KCNMA1: variants seen among roughly 807,000 people sequenced by gnomAD.
KCNMA1 encodes Calcium-activated potassium channel subunit alpha-1.
Under a neutral mutation model 140.0 loss-of-function variants are expected in KCNMA1, and 29 were observed. The observed-to-expected ratio is 0.21, with a 90% CI of 0.15 to 0.28. The LOEUF (loss-of-function observed/expected upper bound fraction) is 0.28. Ranked by LOEUF, KCNMA1 falls within the 10% of genes least tolerant of loss-of-function variation. The probability of loss-of-function intolerance (pLI) is 1.00; values close to 1 mark genes in which losing one functional copy is unlikely to be tolerated. For missense variants in KCNMA1, 880 were observed against 1,602.2 expected, an observed-to-expected ratio of 0.55 and a Z score of 7.70; for synonymous variants, 612 against 611.9, an observed-to-expected ratio of 1.00 and a Z score of 0.00.
At chr10:77,290,362 G>A (rs181124729) in intron 2 of KCNMA1, among the ~76,000 whole-genome samples, 10 of 152,296 alleles carry the variant, frequency 6.6e-5, no homozygotes, top group Admixed American at 2.6e-4. Context: ...AAAGGGCATG[G>A]AGGATGTCAT....
chr10:77,410,514 A>G lies in KCNMA1; in HGVS notation c.379-6491T>C, dbSNP rs533220186. ...TTCTTTGGACACTGGTTCCTCATCC[A>G]GGATCTGGGAAGTTGTTTAGGCAAA... On this transcript the variant is annotated intron_variant, in intron 1 of 27. Coordinates refer to ENST00000286628, the MANE Select transcript of KCNMA1 (RefSeq NM_001161352.2). Among the ~76,000 whole-genome samples the G allele has an allele frequency of 1.6e-3, 245 of 152,348 alleles. 1 individual carries two copies. Among genetic ancestry groups the G allele is most frequent in the African/African-American group, 5.5e-3 (229 of 41,586 alleles).
chr10:77,115,213 A>G (rs947966877), intron 6 of KCNMA1, among the ~76,000 whole-genome samples: 1 of 152,220 alleles, frequency 6.6e-6, no homozygotes, highest in African/African-American at 2.4e-5. Context: ...TGTGGGTGAG[A>G]CTGATATTTC....
chr10:76,889,381 G>A (rs1237354563), intron 27 of KCNMA1, 70 bp downstream of exon 27: 17 of 1,042,370 alleles, frequency 1.6e-5, no homozygotes, highest in South Asian at 3.8e-5. Context: ...TGCCTTTACA[G>A]TAGGGGACAG....
At chr10:76,876,043 A>G (rs1377731085), downstream of KCNMA1, 1 of 152,596 alleles carries the variant, frequency 6.6e-6, no homozygotes, top group Non-Finnish European at 1.5e-5. Context: ...AGGTGGAAGC[A>G]CGACTATATT....
intron 14 of KCNMA1, among the ~76,000 whole-genome samples, chr10:77,066,733 T>A (rs7081901): frequency 0.42 from 64,020 of 152,078 alleles, 15,163 homozygotes; most frequent in Non-Finnish European, 0.54. Flanking sequence ...TAATGCCATC[T>A]GTGGTTAGGG....
At position 76,886,888 on chromosome 10, in the gene KCNMA1, G is replaced by A. The variant is rs201315034; in HGVS notation, c.*378C>T. ...AAACCCAAAGCACCCTGATAATCCT[G>A]ATAAATCAGAATCAACTTTTCTTTT... On this transcript the variant is annotated 3_prime_UTR_variant, in exon 28 of 28. Transcript: ENST00000286628. 9 of 1,126,914 alleles carry A rather than the reference G, an allele frequency of 8.0e-6. No homozygotes were observed. The South Asian group carries it at 2.0e-4, about 25-fold the overall frequency. 69.8% of individuals were successfully genotyped at this position (1,126,914 alleles called of 1,614,324 possible).
intron 7 of KCNMA1, among the ~76,000 whole-genome samples, chr10:77,110,643 C>T (rs1308763224): frequency 1.3e-5 from 2 of 152,158 alleles, no homozygotes; most frequent in Non-Finnish European, 2.9e-5. Flanking sequence ...ATGTGGGAAG[C>T]CAGCTAAAAT....
At chr10:77,059,002 A>G (rs1167484036) in intron 14 of KCNMA1, among the ~76,000 whole-genome samples, 1 of 151,992 alleles carries the variant, frequency 6.6e-6, no homozygotes, top group Non-Finnish European at 1.5e-5. Flanking sequence ...GACACAAATA[A>G]CAAAATCAAG....
At chr10:77,077,350 A>G (rs1178327149) in intron 13 of KCNMA1, among the ~76,000 whole-genome samples, 1 of 152,226 alleles carries the variant, frequency 6.6e-6, no homozygotes, top group Non-Finnish European at 1.5e-5. Context: ...GGTTCTAAAC[A>G]AAATGTGTTT....
At chr10:76,936,199 T>C (rs532218543) in intron 23 of KCNMA1, among the ~76,000 whole-genome samples, 8 of 152,314 alleles carry the variant, frequency 5.3e-5, no homozygotes, top group Admixed American at 1.3e-4. Flanking sequence ...ACGGAAGAAA[T>C]GTAACAGGGC....
intron 23 of KCNMA1, among the ~76,000 whole-genome samples, chr10:76,927,221 C>A (rs1466375536): frequency 2.0e-5 from 3 of 152,168 alleles, no homozygotes; most frequent in African/African-American, 7.2e-5. Flanking sequence ...CAGTTTTATA[C>A]CTTTGCCCAG....
rs181648760 is a variant in KCNMA1 at position 76,897,336 on chromosome 10, C to T, written c.3148-5617G>A. 1.0e-3 allele frequency among the ~76,000 whole-genome samples: 155 copies of T among 150,342 alleles called. 1 individual carries two copies. The Middle Eastern group carries it at 0.02, about 20-fold the overall frequency. ...TGTGGCCAACTCCTAGACCTGTACTCGGTGAATATTTGAATTCAAAATATT... is the reference window on the plus strand; with the variant it reads ...TGTGGCCAACTCCTAGACCTGTACTTGGTGAATATTTGAATTCAAAATATT... On this transcript the variant is annotated intron_variant, in intron 25 of 27. Coordinates refer to ENST00000286628, the MANE Select transcript of KCNMA1 (RefSeq NM_001161352.2).
chr10:77,029,960 T>C (rs1313804990), intron 15 of KCNMA1, among the ~76,000 whole-genome samples: 1 of 152,176 alleles, frequency 6.6e-6, no homozygotes, highest in Non-Finnish European at 1.5e-5. Context: ...TGGGGGATTT[T>C]AGTTGGTTTA....
intron 2 of KCNMA1, among the ~76,000 whole-genome samples, chr10:77,282,888 A>G (rs2069189442): frequency 6.6e-6 from 1 of 152,216 alleles, no homozygotes; most frequent in South Asian, 2.1e-4. Context: ...ATTACTTTTG[A>G]CATAAAAAAA....
chr10:77,580,026 T>C (rs1181283550), intron 1 of KCNMA1, among the ~76,000 whole-genome samples: 2 of 152,198 alleles, frequency 1.3e-5, no homozygotes, highest in African/African-American at 4.8e-5. Context: ...AATGCTATCC[T>C]TAATAAATCC....
intron 2 of KCNMA1, among the ~76,000 whole-genome samples, chr10:77,335,732 C>A (rs1220455201): frequency 6.6e-6 from 1 of 152,094 alleles, no homozygotes; most frequent in African/African-American, 2.4e-5. Flanking sequence ...CATATGATAA[C>A]CCTGTGTGAC....
chr10:77,119,647 CA>C (rs2153939059), intron 6 of KCNMA1, among the ~76,000 whole-genome samples: 1 of 152,104 alleles, frequency 6.6e-6, no homozygotes, highest in East Asian at 1.9e-4. Context: ...AGGTTATTGG[CA>C]ATCAGAAAAA....
chr10:77,585,387 T>C (rs981062695), intron 1 of KCNMA1, among the ~76,000 whole-genome samples: 1 of 152,230 alleles, frequency 6.6e-6, no homozygotes, highest in Non-Finnish European at 1.5e-5. Flanking sequence ...TTGTATGAAT[T>C]AATATAATTA....
At chr10:77,545,091 C>G (rs1487952594) in intron 1 of KCNMA1, among the ~76,000 whole-genome samples, 2 of 152,118 alleles carry the variant, frequency 1.3e-5, no homozygotes, top group Non-Finnish European at 2.9e-5. Context: ...CATGAAGTTT[C>G]TAATATGTAC....
Sources: allele counts gnomAD v4.1 joint callset (sites outside exome capture counted in the v4.1 genomes callset), GRCh38; gene constraint gnomAD v4.1.1; transcripts MANE v1.5; gene names NCBI Gene and HGNC (gene_info 2026-07-23, HGNC 2026-07-21).